Variants in TCF7L1 observed in about 807,000 individuals in gnomAD.
TCF7L1 encodes transcription factor 7-like 1.
In TCF7L1, 18 loss-of-function variants were observed where a neutral mutation model predicts 63.7. The ratio of observed to expected loss-of-function variants is 0.28; its 90% CI spans 0.20 to 0.42. TCF7L1 has a LOEUF of 0.42. Among genes scored for constraint, TCF7L1 ranks in the 10% least tolerant of loss-of-function variants. The probability of loss-of-function intolerance (pLI) is 1.00; values close to 1 mark genes in which losing one functional copy is unlikely to be tolerated. For missense variants in TCF7L1, 654 were observed against 779.3 expected (o/e 0.84, Z 1.91); for synonymous variants, 355 against 340.9 (o/e 1.04, Z -0.46).
chr2:85,141,792 C>T (rs1011503079), intron 3 of TCF7L1, among the ~76,000 whole-genome samples: 3 of 152,132 alleles, frequency 2.0e-5, no homozygotes, highest in Admixed American at 2.0e-4. Context: ...GCTTTAAAGA[C>T]GAGCCCAAGA....
intron 3 of TCF7L1, among the ~76,000 whole-genome samples, chr2:85,216,596 G>A (rs1170544587): frequency 4.6e-5 from 7 of 152,082 alleles, no homozygotes; most frequent in Admixed American, 4.6e-4. Context: ...CTTCTAGAAG[G>A]CGTATGTTGG....
intron 3 of TCF7L1, chr2:85,262,360 A>G: frequency 2.2e-6 from 1 of 453,152 alleles, no homozygotes; most frequent in Non-Finnish European, 4.4e-6. Context: ...CTCTGAGAGC[A>G]ACTTCCAGAA....
chr2:85,283,265 T>TCTC (rs146827223), intron 3 of TCF7L1, among the ~76,000 whole-genome samples: 1 of 109,748 alleles, frequency 9.1e-6, no homozygotes. Flanking sequence ...GTCATTCGTG[T>TCTC]CCCCCCCCCC....
At chr2:85,271,712 A>T (rs1340053363) in intron 3 of TCF7L1, among the ~76,000 whole-genome samples, 2 of 152,110 alleles carry the variant, frequency 1.3e-5, no homozygotes. Context: ...ATAAACAGCC[A>T]CCTTTTATAT....
At chr2:85,270,223 A>C (rs760809002) in intron 3 of TCF7L1, among the ~76,000 whole-genome samples, 1 of 152,180 alleles carries the variant, frequency 6.6e-6, no homozygotes, top group Non-Finnish European at 1.5e-5. Flanking sequence ...CTTTCTCCTC[A>C]ATACCTGGGA....
intron 3 of TCF7L1, among the ~76,000 whole-genome samples, chr2:85,233,384 C>T (rs1000999957): frequency 1.5e-4 from 23 of 149,552 alleles, no homozygotes; most frequent in South Asian, 4.2e-4. Context: ...GGCGTGATTT[C>T]GGTTCACTGC....
intron 3 of TCF7L1, among the ~76,000 whole-genome samples, chr2:85,243,776 C>G (rs1680396313): frequency 6.6e-6 from 1 of 152,120 alleles, no homozygotes; most frequent in Admixed American, 6.5e-5. Flanking sequence ...TGCCAGGCAC[C>G]TTAGAAAGGG....
intron 4 of TCF7L1, among the ~76,000 whole-genome samples, chr2:85,286,747 G>A (rs1447005650): frequency 2.0e-5 from 3 of 151,928 alleles, no homozygotes; most frequent in Non-Finnish European, 2.9e-5. Context: ...CACCCTCCTC[G>A]GCCTCCCAAA....
At chr2:85,307,249 G>A (rs530020507) in intron 10 of TCF7L1, among the ~76,000 whole-genome samples, 1 of 152,282 alleles carries the variant, frequency 6.6e-6, no homozygotes, top group East Asian at 1.9e-4. Context: ...GCCAATTTTC[G>A]CATGCGTGTT....
chr2:85,234,131 C>CTTTTTTTTTTTTTT (rs35508338), intron 3 of TCF7L1, among the ~76,000 whole-genome samples: 20 of 65,218 alleles, frequency 3.1e-4, no homozygotes, highest in Middle Eastern at 9.8e-3. Flanking sequence ...TTTTTCTTTT[C>CTTTTTTTTTTTTTT]TTTTTTTTTT....
chr2:85,221,541 G>A (rs926441106), intron 3 of TCF7L1, among the ~76,000 whole-genome samples: 2 of 152,136 alleles, frequency 1.3e-5, no homozygotes, highest in African/African-American at 2.4e-5. Flanking sequence ...TTACTGCATC[G>A]TCCTATAGCA....
intron 3 of TCF7L1, among the ~76,000 whole-genome samples, chr2:85,192,462 A>G (rs1679056494): frequency 6.6e-6 from 1 of 152,052 alleles, no homozygotes; most frequent in Non-Finnish European, 1.5e-5. Context: ...ATGTTGGCTC[A>G]CTGCAACCTC....
chr2:85,207,350 A>G (rs1490849765), intron 3 of TCF7L1, among the ~76,000 whole-genome samples: 1 of 152,114 alleles, frequency 6.6e-6, no homozygotes, highest in Non-Finnish European at 1.5e-5. Flanking sequence ...CGTCCACTGC[A>G]CCTGCCCACG....
At chr2:85,151,313 C>G (rs1320733938) in intron 3 of TCF7L1, among the ~76,000 whole-genome samples, 2 of 152,242 alleles carry the variant, frequency 1.3e-5, no homozygotes, top group Non-Finnish European at 2.9e-5. Context: ...CTCATGATAT[C>G]TTTTAACATG....
Position 85,307,726 on chromosome 2 carries a change from C to G in TCF7L1, c.1333+9C>G, listed in dbSNP as rs757810661. ...AGTCCAGGAGGCAGAGGGTGCGTCT[C>G]GGGGCACTGGCCTCTTCTCCTGCTT... On this transcript the variant is annotated intron_variant, in intron 11 of 11. Transcript: ENST00000282111. 2.5e-6 allele frequency: 4 copies of G among 1,612,502 alleles called. No homozygotes were observed. In the Admixed American group the frequency reaches 5.0e-5, roughly 20 times the overall value.
chr2:85,186,073 T>C (rs1678915570), intron 3 of TCF7L1, among the ~76,000 whole-genome samples: 2 of 151,276 alleles, frequency 1.3e-5, no homozygotes, highest in Admixed American at 1.3e-4. Flanking sequence ...TTCACTCCGT[T>C]CTCCTGCCTC....
intron 3 of TCF7L1, among the ~76,000 whole-genome samples, chr2:85,137,446 C>T (rs1416661228): frequency 2.6e-5 from 4 of 152,220 alleles, no homozygotes; most frequent in African/African-American, 9.6e-5. Flanking sequence ...GCTGCAATTG[C>T]TTCTTGTCTG....
chr2:85,211,960 C>A (rs557437148), intron 3 of TCF7L1, among the ~76,000 whole-genome samples: 2 of 151,856 alleles, frequency 1.3e-5, no homozygotes, highest in Non-Finnish European at 2.9e-5. Flanking sequence ...TGTGGTGGCA[C>A]GCGCCTGTAA....
intron 4 of TCF7L1, among the ~76,000 whole-genome samples, chr2:85,299,492 CA>C (rs34384756): frequency 0.12 from 18,720 of 151,344 alleles, 1,370 homozygotes; most frequent in East Asian, 0.28. Context: ...GCAGAGGTTG[CA>C]GTGAACCGAG....
Sources: allele counts gnomAD v4.1 joint callset (sites outside exome capture counted in the v4.1 genomes callset), GRCh38; gene constraint gnomAD v4.1.1; transcripts MANE v1.5; gene names NCBI Gene and HGNC (gene_info 2026-07-23, HGNC 2026-07-21).